The following GNG7 variants were observed in gnomAD, a reference collection of about 807,000 sequenced individuals.
GNG7 encodes G protein subunit gamma 7, also known as guanine nucleotide-binding protein G(I)/G(S)/G(O) subunit gamma-7.
In GNG7, 1 loss-of-function variant was observed where a neutral mutation model predicts 4.0. That is an observed-to-expected ratio of 0.25 (90% CI 0.09 to 1.18). The LOEUF (loss-of-function observed/expected upper bound fraction) is 1.18, where lower values mean the gene tolerates loss of function less well. Among genes scored for constraint, GNG7 ranks in the 50% most tolerant of loss-of-function variants. The pLI is 0.50. For synonymous variants in GNG7, 34 were observed against 36.9 expected (o/e 0.92, Z 0.29); for missense variants, 86 against 91.9 (o/e 0.94, Z 0.26).
At chr19:2,549,293 G>T (rs1038909407) in intron 3 of GNG7, among the ~76,000 whole-genome samples, 12 of 144,618 alleles carry the variant, frequency 8.3e-5, no homozygotes, top group South Asian at 2.2e-4. Flanking sequence ...ACAGGGCTGT[G>T]TTTTTTTTTT....
intron 3 of GNG7, among the ~76,000 whole-genome samples, chr19:2,537,741 C>A (rs2144743309): frequency 6.6e-6 from 1 of 150,942 alleles, no homozygotes; most frequent in East Asian, 1.9e-4. Context: ...TAGGCTGGGA[C>A]CCGGTTACAG....
intron 4 of GNG7, 93 bp from the exon 5 acceptor site, chr19:2,515,240 G>A (rs895137112): frequency 1.2e-5 from 19 of 1,533,166 alleles, no homozygotes; most frequent in Admixed American, 3.7e-5. Flanking sequence ...AGCCACAGGC[G>A]GAAACAGCTC....
At chr19:2,607,744 C>T (rs376098407) in intron 2 of GNG7, among the ~76,000 whole-genome samples, 1 of 152,146 alleles carries the variant, frequency 6.6e-6, no homozygotes, top group Non-Finnish European at 1.5e-5. Context: ...CTCCGCCCCC[C>T]GCCCCTCCCA....
chr19:2,645,239 CTCTCT>C (rs1302262700), intron 2 of GNG7, among the ~76,000 whole-genome samples: 1 of 122,050 alleles, frequency 8.2e-6, no homozygotes, highest in African/African-American at 3.4e-5. Context: ...CTCTCTCTCT[CTCTCT>C]TTTTTTTTTT....
chr19:2,575,256 T>A (rs1980272971), intron 2 of GNG7, among the ~76,000 whole-genome samples: 1 of 152,142 alleles, frequency 6.6e-6, no homozygotes, highest in Non-Finnish European at 1.5e-5. Context: ...AGCTAATTTT[T>A]AAAATTTTTT....
chr19:2,679,267 T>G (rs765029891), intron 1 of GNG7, among the ~76,000 whole-genome samples: 19 of 152,148 alleles, frequency 1.2e-4, no homozygotes, highest in Non-Finnish European at 2.2e-4. Context: ...CTCAGGCTGG[T>G]CTCGAACTCC....
Position 2,577,994 on chromosome 19 carries a change from C to T in GNG7, c.-77-22806G>A, listed in dbSNP as rs537942976. On this transcript the variant is annotated intron_variant, in intron 2 of 4. Coordinates refer to ENST00000382159, the MANE Select transcript of GNG7 (RefSeq NM_052847.3). Reference sequence around the variant, plus strand: ...CTGGGACCACAGGTGTGCACCACCACGCCCGGCTAATTCTTTTATTTTTTT... The same window carrying T: ...CTGGGACCACAGGTGTGCACCACCATGCCCGGCTAATTCTTTTATTTTTTT... Among the ~76,000 whole-genome samples, 34 of 152,084 alleles carry T rather than the reference C, an allele frequency of 2.2e-4. No homozygotes were observed. The East Asian group carries it at 3.7e-3, about 17-fold the overall frequency.
At chr19:2,687,604 G>A (rs1377547039) in intron 1 of GNG7, among the ~76,000 whole-genome samples, 1 of 151,738 alleles carries the variant, frequency 6.6e-6, no homozygotes, top group Non-Finnish European at 1.5e-5. Flanking sequence ...CAACAAGAGT[G>A]AAACTCCATC....
At chr19:2,588,971 C>G (rs961739500) in intron 2 of GNG7, among the ~76,000 whole-genome samples, 2 of 152,190 alleles carry the variant, frequency 1.3e-5, no homozygotes, top group Non-Finnish European at 2.9e-5. Context: ...CTCTGTGACC[C>G]AGGCTGGAGT....
At chr19:2,587,935 A>T (rs1980726184) in intron 2 of GNG7, among the ~76,000 whole-genome samples, 1 of 152,088 alleles carries the variant, frequency 6.6e-6, no homozygotes, top group Non-Finnish European at 1.5e-5. Flanking sequence ...GAAGGAAGGA[A>T]AGAAAAGAAA....
At chr19:2,521,620 T>TTTTTTG (rs1555690420) in intron 3 of GNG7, among the ~76,000 whole-genome samples, 2 of 143,636 alleles carry the variant, frequency 1.4e-5, no homozygotes, top group African/African-American at 5.2e-5. Context: ...GTGTTTTTTT[T>TTTTTTG]TTTTTTTTTT....
chr19:2,640,655 C>T (rs1300122056), intron 2 of GNG7, among the ~76,000 whole-genome samples: 1 of 152,108 alleles, frequency 6.6e-6, no homozygotes, highest in East Asian at 1.9e-4. Context: ...GAGACAGGGT[C>T]TTGCCCTGTT....
chr19:2,553,048 G>T (rs1010805309), intron 3 of GNG7, among the ~76,000 whole-genome samples: 1 of 148,336 alleles, frequency 6.7e-6, no homozygotes. Flanking sequence ...CTGGCGAGTC[G>T]ACGAAACCAA....
intron 1 of GNG7, among the ~76,000 whole-genome samples, chr19:2,699,750 AC>A (rs1238260966): frequency 6.6e-6 from 1 of 152,296 alleles, no homozygotes; most frequent in East Asian, 1.9e-4. Context: ...GCTGCTCGGC[AC>A]CCTGCAGTGC....
chr19:2,637,216 C>CCCA (rs1555699237), intron 2 of GNG7, among the ~76,000 whole-genome samples: 2 of 150,938 alleles, frequency 1.3e-5, no homozygotes, highest in African/African-American at 4.9e-5. Flanking sequence ...ACAGGCTCCC[C>CCCA]CCGCCCCCGA....
At position 2,563,777 on chromosome 19, in the gene GNG7, C is replaced by T. The variant is rs147989224; in HGVS notation, c.-77-8589G>A. On this transcript the variant is annotated intron_variant, in intron 2 of 4. Coordinates refer to ENST00000382159, the MANE Select transcript of GNG7 (RefSeq NM_052847.3). ...GATAATAGGCATGAGCCACCGCGCC[C>T]GGCCCAGGTCACACCTTTGAACACT... Among the ~76,000 whole-genome samples the T allele has an allele frequency of 3.8e-3, 576 of 152,292 alleles. 3 individuals are homozygous for T. The highest frequency in any genetic ancestry group is 6.5e-3 in the Non-Finnish European group (441 of 68,020).
At chr19:2,650,389 A>T (rs886900730) in intron 1 of GNG7, among the ~76,000 whole-genome samples, 1 of 151,944 alleles carries the variant, frequency 6.6e-6, no homozygotes, top group Non-Finnish European at 1.5e-5. Context: ...GGGTTTCCTC[A>T]TGTTGGCCAG....
chr19:2,600,928 C>T (rs1405137781), intron 2 of GNG7, among the ~76,000 whole-genome samples: 2 of 152,026 alleles, frequency 1.3e-5, no homozygotes, highest in Non-Finnish European at 1.5e-5. Context: ...TGGTAATAAA[C>T]CTGCTCAAGT....
chr19:2,524,820 G>A (rs1000634849), intron 3 of GNG7, among the ~76,000 whole-genome samples: 2 of 152,222 alleles, frequency 1.3e-5, no homozygotes, highest in African/African-American at 2.4e-5. Context: ...GTGTGTGCAT[G>A]CGTGTTGGCG....
Sources: allele counts gnomAD v4.1 joint callset (sites outside exome capture counted in the v4.1 genomes callset), GRCh38; gene constraint gnomAD v4.1.1; transcripts MANE v1.5; gene names NCBI Gene and HGNC (gene_info 2026-07-23, HGNC 2026-07-21).